SLCO5A1: variants seen among roughly 807,000 people sequenced by gnomAD.
SLCO5A1 encodes the protein solute carrier organic anion transporter family member 5A1.
A neutral mutation model predicts 65.1 loss-of-function variants in SLCO5A1; 39 were observed. The observed-to-expected ratio is 0.60, with a 90% CI of 0.46 to 0.78. The LOEUF (loss-of-function observed/expected upper bound fraction) is 0.78. Among genes scored for constraint, SLCO5A1 ranks in the 30% least tolerant of loss-of-function variants. The pLI, the probability that SLCO5A1 is intolerant of heterozygous loss-of-function variation, is 0.00. For missense variants in SLCO5A1, 1,029 were observed against 1,069.4 expected (o/e 0.96, Z 0.53); for synonymous variants, 438 against 415.7 (o/e 1.05, Z -0.65).
At chr8:69,807,690 T>C (rs1314948180) in intron 2 of SLCO5A1, among the ~76,000 whole-genome samples, 4 of 152,178 alleles carry the variant, frequency 2.6e-5, no homozygotes, top group Non-Finnish European at 4.4e-5. Context: ...TGACAGAATT[T>C]CCTGTTTTTT....
intron 2 of SLCO5A1, among the ~76,000 whole-genome samples, chr8:69,805,806 T>A (rs1020758458): frequency 6.6e-6 from 1 of 152,140 alleles, no homozygotes; most frequent in African/African-American, 2.4e-5. Context: ...CATAGCAGCG[T>A]TGGGGAGGCT....
chr8:69,832,859 G>T lies in SLCO5A1; in HGVS notation c.-186C>A. 1.5e-6 allele frequency: 1 copy of T among 669,406 alleles called. No individual in the cohort carries two copies. Among genetic ancestry groups the T allele is most frequent in the South Asian group, 1.9e-5 (1 of 51,852 alleles). The allele number at this position is 669,406 out of a possible 1,614,324, so 41.5% of individuals were successfully genotyped here. On this transcript the variant is annotated 5_prime_UTR_variant, in exon 2 of 10. The change creates a new upstream start codon in the 5' untranslated region. Coordinates refer to ENST00000260126, the MANE Select transcript of SLCO5A1 (RefSeq NM_030958.3). This position sits in a 1 kb window ranked among gnomAD's most constrained non-coding sequence, Gnocchi z 4.5. ...AGGCGCCCAGTGCATCCTGATCACA[G>T]ACACGGCTTCAAGGCTCCGCAGCCG... is the stretch of plus-strand genomic sequence containing the variant.
At chr8:69,675,802 C>T (rs770870682) in intron 9 of SLCO5A1, among the ~76,000 whole-genome samples, 2 of 152,122 alleles carry the variant, frequency 1.3e-5, no homozygotes, top group African/African-American at 4.8e-5. Flanking sequence ...GACAATGACA[C>T]TGATTACTGA....
rs376668733 is a variant in SLCO5A1, at chr8:69,679,606, G to A, written c.1796C>T (p.Thr599Ile). ...GCGACTTTGGACACAGGTGCATTCT[G>A]TATAATTCCGTATCTAAGTGAGCAA... is the stretch of plus-strand genomic sequence containing the variant. ...GNLSTGIRNY[T>I]ECTCVQSRQV... The change falls in exon 8 of 10, where the codon ACA becomes ATA. Residue 599 changes from threonine (T) to isoleucine (I), a missense_variant. Around this residue, in one of 3 missense-constraint regions of SLCO5A1, gnomAD observed 124 missense variants for 184.5 expected, o/e 0.67. Transcript: ENST00000260126. The A allele has an allele frequency of 6.2e-7, 1 of 1,613,982 alleles. No individual in the cohort carries two copies. The highest frequency in any genetic ancestry group is 8.5e-7 in the Non-Finnish European group (1 of 1,179,960).
At chr8:69,774,902 CAAAGTACTTT>C (rs1818497481) in intron 2 of SLCO5A1, among the ~76,000 whole-genome samples, 1 of 152,190 alleles carries the variant, frequency 6.6e-6, no homozygotes, top group Non-Finnish European at 1.5e-5. Flanking sequence ...GAAAAATAGC[CAAAGTACTTT>C]AAAGCACCAG....
chr8:69,829,035 A>T (rs971791742), intron 2 of SLCO5A1, among the ~76,000 whole-genome samples: 18 of 152,246 alleles, frequency 1.2e-4, no homozygotes, highest in Non-Finnish European at 2.5e-4. Context: ...GGATATTTAC[A>T]CAGAGCCCAG....
Position 69,672,963 on chromosome 8 carries a change from G to C in SLCO5A1, c.2453C>G (p.Ala818Gly). 1 of 1,614,228 alleles carries C rather than the reference G, an allele frequency of 6.2e-7. No homozygotes were observed. The highest frequency in any genetic ancestry group is 8.5e-7 in the Non-Finnish European group (1 of 1,180,040). The change falls in exon 10 of 10, where the codon GCA (alanine) becomes GGA (glycine). Residue 818 changes from alanine to glycine, a missense_variant. By Grantham distance (60) the Ala-to-Gly change is moderately conservative. Transcript: ENST00000260126. ...TGGGAAGGGCCCCGGGTAGGTCTGT[G>C]CTGCGCACTGGATCCCTTTTTGCAG... Reference protein sequence around the residue: ...TGLQKGIQCAAQTYPGPFPEA... With the variant: ...TGLQKGIQCAGQTYPGPFPEA...
rs1284508626 is a variant in SLCO5A1, at chr8:69,755,693, A to G, written c.1041-52T>C. ...ATTTACGTCTTTTCTTTTGTGAGTG[A>G]GAACAAATTAGTAAAGCAGAAGTTT... On this transcript the variant is annotated intron_variant, in intron 3 of 9. Transcript: ENST00000260126. 3 of 1,479,144 alleles carry G rather than the reference A, an allele frequency of 2.0e-6. No homozygotes were observed. The South Asian group carries it at 3.8e-5, about 19-fold the overall frequency. The allele number at this position is 1,479,144 out of a possible 1,614,324, so 91.6% of individuals were successfully genotyped here. A position where few individuals can be genotyped will look rare whatever the true frequency, so the allele number is the denominator to read the frequency against.
rs937043258 is a variant in SLCO5A1, at chr8:69,667,138, G to A, written c.*5731C>T. 4 of 151,934 alleles carry A rather than the reference G, an allele frequency of 2.6e-5. No individual in the cohort carries two copies. Among genetic ancestry groups the A allele is most frequent in the African/African-American group, 7.3e-5 (3 of 41,350 alleles). 9.4% of individuals were successfully genotyped at this position (151,934 alleles called of 1,614,324 possible). A position where few individuals can be genotyped will look rare whatever the true frequency, so the allele number is the denominator to read the frequency against. ...TGCTGTAAACCAAGATTAGTACATC[G>A]ACAACAGATTTCATTAAACACACGG... is the stretch of plus-strand genomic sequence containing the variant. On this transcript the variant is annotated 3_prime_UTR_variant, in exon 10 of 10. Coordinates refer to ENST00000260126, the MANE Select transcript of SLCO5A1 (RefSeq NM_030958.3).
intron 6 of SLCO5A1, among the ~76,000 whole-genome samples, chr8:69,685,347 A>C (rs7836142): frequency 0.017 from 2,587 of 152,310 alleles, 74 homozygotes; most frequent in African/African-American, 0.056. Context: ...CATTAGCCTG[A>C]AGAGAACCCA....
chr8:69,763,518 G>A (rs1817899877), intron 2 of SLCO5A1, among the ~76,000 whole-genome samples: 1 of 149,376 alleles, frequency 6.7e-6, no homozygotes, highest in Admixed American at 6.7e-5. Context: ...TGGGTGGGAG[G>A]CTGAGGTGGG....
chr8:69,793,290 CTG>C (rs1035133639), intron 2 of SLCO5A1, among the ~76,000 whole-genome samples: 4 of 151,980 alleles, frequency 2.6e-5, no homozygotes, highest in Non-Finnish European at 5.9e-5. Flanking sequence ...AGCCAATAAA[CTG>C]TTTTTAAATA....
intron 2 of SLCO5A1, among the ~76,000 whole-genome samples, chr8:69,819,172 C>T (rs1300680369): frequency 6.6e-6 from 1 of 152,140 alleles, no homozygotes; most frequent in Non-Finnish European, 1.5e-5. Context: ...ACTGCTCCTC[C>T]TCAGGAAGGA....
chr8:69,782,595 A>C (rs1586794068), intron 2 of SLCO5A1, among the ~76,000 whole-genome samples: 1 of 151,934 alleles, frequency 6.6e-6, no homozygotes, highest in Non-Finnish European at 1.5e-5. Context: ...AAAAAAAAAA[A>C]AAAAAGTAAT....
intron 2 of SLCO5A1, among the ~76,000 whole-genome samples, chr8:69,825,792 A>C (rs1272715486): frequency 6.6e-6 from 1 of 152,172 alleles, no homozygotes. Context: ...TAAAGTTCAT[A>C]TGGAACCAAA....
chr8:69,732,513 A>C (rs1816378602), intron 5 of SLCO5A1, among the ~76,000 whole-genome samples: 1 of 152,214 alleles, frequency 6.6e-6, no homozygotes. Flanking sequence ...ATAGTGAAAA[A>C]AATAAATCGA....
chr8:69,744,858 G>A lies in SLCO5A1; in HGVS notation c.1259-6654C>T, dbSNP rs575639209. 9.2e-4 allele frequency among the ~76,000 whole-genome samples: 140 copies of A among 152,292 alleles called. 1 individual carries two copies. The highest frequency in any genetic ancestry group is 1.6e-3 in the Non-Finnish European group (107 of 68,036). ...ATAAGATGAAAGGTGGTCCACAGTGGTGAACTCACTGAAAATAGAAAATTA... is the reference window on the plus strand; with the variant it reads ...ATAAGATGAAAGGTGGTCCACAGTGATGAACTCACTGAAAATAGAAAATTA... On this transcript the variant is annotated intron_variant, in intron 4 of 9. Coordinates refer to ENST00000260126, the MANE Select transcript of SLCO5A1 (RefSeq NM_030958.3).
At chr8:69,749,618 A>G (rs1432893745) in intron 4 of SLCO5A1, among the ~76,000 whole-genome samples, 1 of 151,592 alleles carries the variant, frequency 6.6e-6, no homozygotes, top group Non-Finnish European at 1.5e-5. Context: ...AAAGCAAGAC[A>G]GTCTCAAAAA....
Position 69,791,944 on chromosome 8 carries a change from G to T in SLCO5A1, c.908-30069C>A, listed in dbSNP as rs1464003175. ...GTCAAAACAAAGTCAACAAGGAAAA[G>T]ATCCAAGTCAAAATTCTGTCTTTGC... On this transcript the variant is annotated intron_variant, in intron 2 of 9. Transcript: ENST00000260126. 2.6e-5 allele frequency among the ~76,000 whole-genome samples: 4 copies of T among 152,270 alleles called. No individual in the cohort carries two copies. In the East Asian group the frequency reaches 5.8e-4, roughly 22 times the overall value.
Sources: gnomAD v4.1 joint callset for allele counts (sites outside exome capture counted in the v4.1 genomes callset) on GRCh38, gnomAD v4.1.1 for gene constraint, gnomAD v4.1.1 regional missense constraint, Gnocchi (gnomAD v3.1) non-coding constraint, MANE v1.5 for transcripts, NCBI Gene and HGNC (gene_info 2026-07-23, HGNC 2026-07-21) for gene names.